Variants in ATP8A2 observed in about 807,000 individuals in gnomAD.
ATP8A2 encodes phospholipid-transporting ATPase IB.
In ATP8A2, 100 loss-of-function variants were observed where a neutral mutation model predicts 165.6. The ratio of observed to expected loss-of-function variants is 0.60; its 90% confidence interval spans 0.51 to 0.71. The LOEUF is 0.71. Ranked by LOEUF, ATP8A2 falls within the 30% of genes least tolerant of loss-of-function variation. The pLI is 0.00. For synonymous variants in ATP8A2, 543 were observed against 548.8 expected, an observed-to-expected ratio of 0.99 and a Z score of 0.15; for missense variants, 1,227 against 1,479.5, an observed-to-expected ratio of 0.83 and a Z score of 2.80.
At chr13:25,383,848 C>G (rs1234243034) in intron 1 of ATP8A2, among the ~76,000 whole-genome samples, 1 of 152,132 alleles carries the variant, frequency 6.6e-6, no homozygotes, top group African/African-American at 2.4e-5. Context: ...CTACCCCTGA[C>G]TCTCCCCTAC....
chr13:25,871,286 C>A, intron 33 of ATP8A2: 1 of 291,046 alleles, frequency 3.4e-6, no homozygotes, highest in South Asian at 2.9e-5. Flanking sequence ...TGAACTTTTC[C>A]TTTCTTGAAA....
chr13:25,768,817 C>T (rs1593316586), intron 25 of ATP8A2, among the ~76,000 whole-genome samples: 1 of 152,282 alleles, frequency 6.6e-6, no homozygotes, highest in African/African-American at 2.4e-5. Flanking sequence ...TACAAATAGG[C>T]TGTGTTTTAA....
chr13:25,567,838 T>C (rs916605529), intron 16 of ATP8A2, among the ~76,000 whole-genome samples: 1 of 152,184 alleles, frequency 6.6e-6, no homozygotes. Context: ...TGGGGAGATG[T>C]GGGATTGAAT....
At position 25,443,438 on chromosome 13, in the gene ATP8A2, G is replaced by A. The variant is rs187825347; in HGVS notation, c.77-25539G>A. ...GTCTGACAAAGTAAAAAAGAAAGAAGGATAGTAAGTTAATTTTAGATAAAG... is the reference window on the plus strand; with the variant it reads ...GTCTGACAAAGTAAAAAAGAAAGAAAGATAGTAAGTTAATTTTAGATAAAG... On this transcript the variant is annotated intron_variant, in intron 1 of 36. Coordinates refer to ENST00000381655, the MANE Select transcript of ATP8A2 (RefSeq NM_016529.6). Among the ~76,000 whole-genome samples the A allele has an allele frequency of 5.2e-3, 797 of 152,220 alleles. 2 individuals carry two copies. Among genetic ancestry groups the A allele is most frequent in the Non-Finnish European group, 8.1e-3 (550 of 68,010 alleles).
chr13:25,914,910 C>T (rs1258528553), intron 33 of ATP8A2, among the ~76,000 whole-genome samples: 1 of 152,242 alleles, frequency 6.6e-6, no homozygotes. Flanking sequence ...CTTCTTCCCC[C>T]TTCCCGATTT....
chr13:25,421,624 G>A (rs760062092), intron 1 of ATP8A2, among the ~76,000 whole-genome samples: 8 of 152,214 alleles, frequency 5.3e-5, no homozygotes, highest in South Asian at 2.1e-4. Context: ...GTGAAACACC[G>A]TGCCTGGCCC....
At chr13:25,768,166 C>T (rs1006452242) in intron 25 of ATP8A2, among the ~76,000 whole-genome samples, 2 of 151,926 alleles carry the variant, frequency 1.3e-5, no homozygotes, top group Non-Finnish European at 2.9e-5. Context: ...CTTACCAATT[C>T]AGAATGTAGA....
intron 1 of ATP8A2, among the ~76,000 whole-genome samples, chr13:25,380,514 A>G (rs2032798252): frequency 1.3e-5 from 2 of 152,214 alleles, no homozygotes; most frequent in Non-Finnish European, 2.9e-5. Context: ...CAGTTCATTC[A>G]TAATGTTTTC....
intron 24 of ATP8A2, among the ~76,000 whole-genome samples, chr13:25,629,841 A>G (rs1229329088): frequency 6.6e-6 from 1 of 152,128 alleles, no homozygotes; most frequent in Admixed American, 6.6e-5. Context: ...TGCTTTCTAT[A>G]AACTTTTATA....
At chr13:25,942,422 T>C (rs923461099) in intron 33 of ATP8A2, among the ~76,000 whole-genome samples, 3 of 152,172 alleles carry the variant, frequency 2.0e-5, no homozygotes, top group African/African-American at 7.2e-5. Flanking sequence ...GGCAAGCTTA[T>C]CGATTTTCTT....
At chr13:25,800,149 G>C (rs921438722) in intron 27 of ATP8A2, among the ~76,000 whole-genome samples, 1 of 152,224 alleles carries the variant, frequency 6.6e-6, no homozygotes, top group African/African-American at 2.4e-5. Context: ...GGCACCCAGA[G>C]GTGCGATGTA....
chr13:25,677,196 A>G (rs570186782), intron 24 of ATP8A2, among the ~76,000 whole-genome samples: 1 of 152,110 alleles, frequency 6.6e-6, no homozygotes. Flanking sequence ...GGCTGTTTAA[A>G]CTCAAATTAA....
rs371309626 is a variant in ATP8A2 at position 25,549,471 on chromosome 13, A to G, written c.892-1867A>G. Among the ~76,000 whole-genome samples the G allele has an allele frequency of 1.3e-4, 19 of 151,632 alleles. No homozygotes were observed. In the East Asian group the frequency reaches 3.5e-3, roughly 28 times the overall value. On this transcript the variant is annotated intron_variant, in intron 10 of 36. Coordinates refer to ENST00000381655, the MANE Select transcript of ATP8A2 (RefSeq NM_016529.6). ...TGAGACTCTGTCTCAAAAAAAAAAA[A>G]AAAAAGCCTGGGCCCATGATTCATG...
At position 25,669,465 on chromosome 13, in the gene ATP8A2, G is replaced by A. The variant is rs1045581422; in HGVS notation, c.2212-29708G>A. 7.0e-4 allele frequency among the ~76,000 whole-genome samples: 107 copies of A among 152,310 alleles called. 1 individual carries two copies. The highest frequency in any genetic ancestry group is 1.9e-3 in the African/African-American group (79 of 41,564). ...AGTCATTCCCTCAATGCTAAACCAG[G>A]TCACCCATGACTCTGCCTTAGCCTT... On this transcript the variant is annotated intron_variant, in intron 24 of 36. Transcript: ENST00000381655.
chr13:25,854,490 T>A (rs1243077419), intron 30 of ATP8A2, among the ~76,000 whole-genome samples: 1 of 152,094 alleles, frequency 6.6e-6, no homozygotes, highest in Non-Finnish European at 1.5e-5. Context: ...ACCTGGCTAG[T>A]TTTTAAAAAA....
At chr13:25,807,231 T>G (rs1367322664) in intron 27 of ATP8A2, among the ~76,000 whole-genome samples, 1 of 152,136 alleles carries the variant, frequency 6.6e-6, no homozygotes, top group Non-Finnish European at 1.5e-5. Flanking sequence ...TCCCTTATGC[T>G]TTTGGTGCCT....
At chr13:25,744,627 T>C (rs1319644649) in intron 25 of ATP8A2, among the ~76,000 whole-genome samples, 1 of 152,204 alleles carries the variant, frequency 6.6e-6, no homozygotes, top group Non-Finnish European at 1.5e-5. Flanking sequence ...AAGATGGTGT[T>C]ATTGATCCTA....
At chr13:25,588,489 A>G (rs896763900) in intron 23 of ATP8A2, among the ~76,000 whole-genome samples, 1 of 152,156 alleles carries the variant, frequency 6.6e-6, no homozygotes, top group African/African-American at 2.4e-5. Flanking sequence ...CACGTGTAGC[A>G]TCTGTGAGAA....
At chr13:25,781,326 C>T (rs911860105) in intron 27 of ATP8A2, among the ~76,000 whole-genome samples, 5 of 151,896 alleles carry the variant, frequency 3.3e-5, no homozygotes, top group Admixed American at 2.0e-4. Flanking sequence ...TAATCCAAAA[C>T]GTTTTCAGTA....
Sources: allele counts gnomAD v4.1 joint callset (sites outside exome capture counted in the v4.1 genomes callset), GRCh38; gene constraint gnomAD v4.1.1; transcripts MANE v1.5; gene names NCBI Gene and HGNC (gene_info 2026-07-23, HGNC 2026-07-21).